The following TRIM37 variants were observed in gnomAD, a reference collection of about 807,000 sequenced individuals.
TRIM37 encodes tripartite motif containing 37.
In TRIM37, 80 loss-of-function variants were observed where a neutral mutation model predicts 129.8. The observed-to-expected ratio is 0.62, with a 90% confidence interval of 0.51 to 0.74. The LOEUF is 0.74. Ranked by LOEUF, TRIM37 falls within the 30% of genes least tolerant of loss-of-function variation. The pLI, the probability that TRIM37 is intolerant of heterozygous loss-of-function variation, is 0.00. For missense variants in TRIM37, 1,054 were observed against 1,176.5 expected (o/e 0.90, Z 1.52); for synonymous variants, 389 against 387.1 (o/e 1.00, Z -0.06).
At position 59,032,084 on chromosome 17, in the gene TRIM37, C is replaced by T. The variant is rs2145618754; in HGVS notation, c.1760G>A (p.Ser587Asn). Residue 587 changes from serine (S) to asparagine (N), a missense_variant, in exon 18 of 24, where the codon AGC becomes AAC. Physicochemically the swap from Ser to Asn is conservative, Grantham distance 46 (BLOSUM62 1). Transcript: ENST00000262294. ...DAAAAGPAGS[S>N]HGYVGSSSRI... The stretch of plus-strand genomic sequence containing the variant: ...ACTACTGGAACCCACATAACCATGG[C>T]TACTACCTGCAAAAGAGGCGTAGAA... 1.9e-6 allele frequency: 3 copies of T among 1,613,694 alleles called. No homozygotes were observed. Among genetic ancestry groups the T allele is most frequent in the Non-Finnish European group, 2.5e-6 (3 of 1,180,032 alleles).
At chr17:59,093,507 ACT>A (rs199960055) in intron 2 of TRIM37, among the ~76,000 whole-genome samples, 3 of 152,184 alleles carry the variant, frequency 2.0e-5, no homozygotes, top group East Asian at 1.9e-4. Flanking sequence ...TTTCCCTGAC[ACT>A]CTGCAGACTA....
intron 17 of TRIM37, among the ~76,000 whole-genome samples, chr17:59,039,143 C>T (rs1378125140): frequency 6.6e-6 from 1 of 152,138 alleles, no homozygotes; most frequent in Non-Finnish European, 1.5e-5. Flanking sequence ...ACATGAAATG[C>T]ATGTAACATG....
chr17:58,981,142 T>C (rs2031336020), downstream of TRIM37: 2 of 733,960 alleles, frequency 2.7e-6, no homozygotes, highest in Non-Finnish European at 4.4e-6. Flanking sequence ...AATCCATGGA[T>C]GGCTCAATTC....
In TRIM37 at chr17:59,106,577, A is replaced by T; in HGVS notation, c.-116T>A. ...CCGATAAAAGCCCGGCGCCCACGTCAGGGGGCTCTGACAACCGCCCCACCT... is the reference window on the plus strand; with the variant it reads ...CCGATAAAAGCCCGGCGCCCACGTCTGGGGGCTCTGACAACCGCCCCACCT... On this transcript the variant is annotated 5_prime_UTR_variant, in exon 1 of 24. An upstream open reading frame in the 5' UTR loses its in-frame stop. Coordinates refer to ENST00000262294, the MANE Select transcript of TRIM37 (RefSeq NM_015294.6). The T allele has an allele frequency of 1.5e-6, 2 of 1,306,616 alleles. No individual in the cohort carries two copies. The highest frequency in any genetic ancestry group is 2.2e-6 in the Non-Finnish European group (2 of 925,100). The allele number at this position is 1,306,616 out of a possible 1,614,324, so 80.9% of individuals were successfully genotyped here. A position where few individuals can be genotyped will look rare whatever the true frequency, so the allele number is the denominator to read the frequency against.
downstream of TRIM37, among the ~76,000 whole-genome samples, chr17:58,995,237 T>A (rs1024796811): frequency 6.6e-6 from 1 of 152,034 alleles, no homozygotes; most frequent in Non-Finnish European, 1.5e-5. Context: ...TATCTATCCA[T>A]TGAGTGGGAC....
chr17:59,096,445 G>A (rs1453445405), intron 2 of TRIM37, among the ~76,000 whole-genome samples: 8 of 151,332 alleles, frequency 5.3e-5, no homozygotes, highest in Non-Finnish European at 7.4e-5. Flanking sequence ...CCAGCTACTC[G>A]GGAGGCTGAG....
chr17:58,998,121 G>A (rs550928857), downstream of TRIM37: 3,873 of 714,346 alleles, frequency 5.4e-3, 19 homozygotes, highest in Non-Finnish European at 6.1e-3. Flanking sequence ...CAAATGTTTG[G>A]ATCTTCTCTA....
At chr17:58,980,350 G>A, downstream of TRIM37, 1 of 1,614,078 alleles carries the variant, frequency 6.2e-7, no homozygotes, top group Non-Finnish European at 8.5e-7. This position sits in a 1 kb window ranked among gnomAD's most constrained non-coding sequence, Gnocchi z 4.7. Flanking sequence ...AACGCCCTTG[G>A]CCTCAGCACC....
At chr17:58,972,103 G>A in the TRIM37 span, 1 of 1,586,952 alleles carries the variant, frequency 6.3e-7, no homozygotes, top group Non-Finnish European at 8.6e-7. Context: ...TCTTTTCACT[G>A]AGTCTAGTTT....
At chr17:59,096,257 A>G (rs1225645667) in intron 2 of TRIM37, among the ~76,000 whole-genome samples, 1 of 151,564 alleles carries the variant, frequency 6.6e-6, no homozygotes, top group Non-Finnish European at 1.5e-5. Context: ...AGAGAGTTTA[A>G]AAAAAAAACA....
intron 2 of TRIM37, among the ~76,000 whole-genome samples, chr17:59,096,255 T>A (rs1343013949): frequency 2.7e-5 from 4 of 147,608 alleles, no homozygotes; most frequent in Admixed American, 6.8e-5. Flanking sequence ...AAAGAGAGTT[T>A]AAAAAAAAAA....
intron 23 of TRIM37, among the ~76,000 whole-genome samples, chr17:58,999,777 T>C (rs1228464737): frequency 6.6e-6 from 1 of 152,240 alleles, no homozygotes; most frequent in Non-Finnish European, 1.5e-5. Context: ...AGCAATGGTG[T>C]ATATTCTCAA....
intron 2 of TRIM37, among the ~76,000 whole-genome samples, chr17:59,093,002 G>A (rs2044534038): frequency 6.6e-6 from 1 of 151,828 alleles, no homozygotes; most frequent in African/African-American, 2.4e-5. Flanking sequence ...AATACAAATT[G>A]AGCCAGGTGT....
At chr17:59,055,511 G>A (rs866848095) in intron 13 of TRIM37, among the ~76,000 whole-genome samples, 10 of 151,376 alleles carry the variant, frequency 6.6e-5, no homozygotes, top group African/African-American at 1.7e-4. Context: ...TGGCTAACAC[G>A]GTGGAACCCC....
intron 16 of TRIM37, among the ~76,000 whole-genome samples, chr17:59,044,120 A>T (rs550808379): frequency 6.6e-6 from 1 of 152,296 alleles, no homozygotes; most frequent in African/African-American, 2.4e-5. Context: ...ATAGTAAGGC[A>T]ACATAGTGAG....
chr17:58,985,531 C>T (rs867193283), intron 24 of TRIM37, among the ~76,000 whole-genome samples: 2 of 152,198 alleles, frequency 1.3e-5, no homozygotes, highest in Admixed American at 6.5e-5. Context: ...TCCCCTTTCG[C>T]TTAGCCTCTT....
At chr17:59,100,022 G>C (rs994128180) in intron 2 of TRIM37, among the ~76,000 whole-genome samples, 1 of 152,002 alleles carries the variant, frequency 6.6e-6, no homozygotes, top group Non-Finnish European at 1.5e-5. Context: ...AGCTGGTCTC[G>C]AACTCCCGAA....
intron 2 of TRIM37, among the ~76,000 whole-genome samples, chr17:59,092,054 C>A (rs1279734929): frequency 6.6e-6 from 1 of 150,958 alleles, no homozygotes; most frequent in South Asian, 2.1e-4. Context: ...TAAATTAAAC[C>A]GAAAAAAATG....
At chr17:58,983,068 A>G (rs1306391014) in intron 24 of TRIM37, 6 of 700,032 alleles carry the variant, frequency 8.6e-6, no homozygotes, top group South Asian at 2.1e-5. Context: ...GTAAAGGGAA[A>G]AAGTTACTAC....
Sources: allele counts gnomAD v4.1 joint callset (sites outside exome capture counted in the v4.1 genomes callset), GRCh38; gene constraint gnomAD v4.1.1; non-coding constraint Gnocchi (gnomAD v3.1); transcripts MANE v1.5; gene names NCBI Gene and HGNC (gene_info 2026-07-23, HGNC 2026-07-21).